BCKDHB: variants seen among roughly 807,000 people sequenced by gnomAD.
BCKDHB encodes branched chain keto acid dehydrogenase E1 subunit beta.
In BCKDHB, 41 loss-of-function variants were observed where a neutral mutation model predicts 48.5. The ratio of observed to expected loss-of-function variants is 0.85; its 90% CI spans 0.66 to 1.10. The LOEUF is 1.10. Among genes scored for constraint, BCKDHB ranks in the 50% least tolerant of loss-of-function variants. The pLI is 0.00. For missense variants in BCKDHB, 496 were observed against 494.2 expected (o/e 1.00, Z -0.03); for synonymous variants, 201 against 174.8 (o/e 1.15, Z -1.18).
At chr6:80,256,599 TA>T in intron 8 of BCKDHB, among the ~76,000 whole-genome samples, 1 of 152,344 alleles carries the variant, frequency 6.6e-6, no homozygotes, top group East Asian at 1.9e-4. Context: ...TCCAAATTCA[TA>T]AAATCATCCA....
the BCKDHB span, chr6:80,454,036 T>G: frequency 6.6e-6 from 1 of 152,174 alleles, no homozygotes. Context: ...TGGGCTCACA[T>G]GCTATGGTAT....
At chr6:80,234,019 A>G (rs1776041776) in intron 8 of BCKDHB, among the ~76,000 whole-genome samples, 1 of 152,162 alleles carries the variant, frequency 6.6e-6, no homozygotes, top group South Asian at 2.1e-4. Context: ...AGATTCTCAT[A>G]AGGAGCGTGC....
At chr6:80,311,173 A>C (rs1326882046) in intron 9 of BCKDHB, among the ~76,000 whole-genome samples, 2 of 152,120 alleles carry the variant, frequency 1.3e-5, no homozygotes, top group Non-Finnish European at 2.9e-5. Flanking sequence ...TTCCCTACAC[A>C]AGCTCTCTCT....
chr6:80,225,298 T>C (rs1189638246), intron 8 of BCKDHB, among the ~76,000 whole-genome samples: 2 of 152,206 alleles, frequency 1.3e-5, no homozygotes, highest in African/African-American at 2.4e-5. Context: ...GAAGGAGATA[T>C]ATACTTTCTA....
intron 9 of BCKDHB, among the ~76,000 whole-genome samples, chr6:80,325,701 T>C (rs1288523735): frequency 6.6e-6 from 1 of 152,202 alleles, no homozygotes; most frequent in Non-Finnish European, 1.5e-5. Flanking sequence ...GTTGCTAGTT[T>C]TGGAAGTTTA....
chr6:80,460,726 A>C, the BCKDHB span, among the ~76,000 whole-genome samples: 3 of 152,160 alleles, frequency 2.0e-5, no homozygotes, highest in African/African-American at 7.2e-5. Context: ...AGTGACTCAA[A>C]ACTCTGCTGA....
intron 9 of BCKDHB, among the ~76,000 whole-genome samples, chr6:80,341,991 G>A (rs967459005): frequency 6.6e-6 from 1 of 152,102 alleles, no homozygotes; most frequent in African/African-American, 2.4e-5. Context: ...AAAGTTGTTC[G>A]TGGAGATTTC....
At chr6:80,196,521 G>C (rs1240977447) in intron 6 of BCKDHB, among the ~76,000 whole-genome samples, 1 of 152,104 alleles carries the variant, frequency 6.6e-6, no homozygotes, top group African/African-American at 2.4e-5. Flanking sequence ...TCACAGTTGA[G>C]CGTGTGCTTC....
the BCKDHB span, among the ~76,000 whole-genome samples, chr6:80,407,863 T>C: frequency 2.6e-5 from 4 of 152,216 alleles, no homozygotes; most frequent in African/African-American, 7.2e-5. Context: ...TTTTGCCTGA[T>C]TGCCCTGGCT....
chr6:80,307,731 C>T, intron 9 of BCKDHB: 1 of 979,650 alleles, frequency 1.0e-6, no homozygotes, highest in Non-Finnish European at 1.2e-6. Context: ...TTTTGTTAGA[C>T]CATATTGTCA....
At chr6:80,223,593 C>G (rs1337719153) in intron 8 of BCKDHB, among the ~76,000 whole-genome samples, 1 of 152,032 alleles carries the variant, frequency 6.6e-6, no homozygotes, top group African/African-American at 2.4e-5. Flanking sequence ...ACCATTAATT[C>G]TGATACTATT....
At chr6:80,225,316 G>A (rs556559136) in intron 8 of BCKDHB, among the ~76,000 whole-genome samples, 1 of 152,226 alleles carries the variant, frequency 6.6e-6, no homozygotes, top group South Asian at 2.1e-4. Context: ...CTATACTTCT[G>A]TTTTGGAATA....
At chr6:80,361,162 T>G in the BCKDHB span, among the ~76,000 whole-genome samples, 1 of 152,216 alleles carries the variant, frequency 6.6e-6, no homozygotes, top group Non-Finnish European at 1.5e-5. Context: ...TGCTGACTGC[T>G]GCTTAATTTA....
intron 9 of BCKDHB, among the ~76,000 whole-genome samples, chr6:80,322,889 CTTTTTTCTTTTT>C (rs777244325): frequency 0.014 from 1,593 of 116,614 alleles, 31 homozygotes; most frequent in African/African-American, 0.046. Context: ...CTTTTTTTTT[CTTTTTTCTTTTT>C]TTTTTTTTTT....
At chr6:80,230,026 G>GT (rs551632775) in intron 8 of BCKDHB, among the ~76,000 whole-genome samples, 811 of 60,648 alleles carry the variant, frequency 0.013, 119 homozygotes, top group Non-Finnish European at 0.019. Flanking sequence ...TTTTTAGGTT[G>GT]TTTTTTTTTT....
chr6:80,263,849 AG>A (rs1207488812), intron 8 of BCKDHB, among the ~76,000 whole-genome samples: 1 of 152,110 alleles, frequency 6.6e-6, no homozygotes, highest in Non-Finnish European at 1.5e-5. Context: ...TGGGAGTACA[AG>A]GGATGATGTC....
intron 1 of BCKDHB, among the ~76,000 whole-genome samples, chr6:80,115,177 C>T (rs959313301): frequency 6.6e-6 from 1 of 152,076 alleles, no homozygotes; most frequent in Non-Finnish European, 1.5e-5. Flanking sequence ...CTATGTTGCC[C>T]AGGCTGAAGT....
the BCKDHB span, among the ~76,000 whole-genome samples, chr6:80,395,367 A>G: frequency 6.6e-6 from 1 of 152,250 alleles, no homozygotes; most frequent in Non-Finnish European, 1.5e-5. Flanking sequence ...GCTGATAGTA[A>G]GATGGACAAT....
chr6:80,151,926 C>G (rs896006124), intron 3 of BCKDHB, among the ~76,000 whole-genome samples: 4 of 152,088 alleles, frequency 2.6e-5, no homozygotes, highest in Non-Finnish European at 4.4e-5. Context: ...AATTTGTGTG[C>G]TTTGAGCTCT....
Sources: gnomAD v4.1 joint callset for allele counts (sites outside exome capture counted in the v4.1 genomes callset) on GRCh38, gnomAD v4.1.1 for gene constraint, MANE v1.5 for transcripts, NCBI Gene and HGNC (gene_info 2026-07-23, HGNC 2026-07-21) for gene names.